The following SLC35F4 variants were observed in gnomAD, a reference collection of about 807,000 sequenced individuals.
SLC35F4 encodes chromosome 14 open reading frame 36.
A neutral mutation model predicts 44.2 loss-of-function variants in SLC35F4; 24 were observed. That is an observed-to-expected ratio of 0.54 (90% CI 0.39 to 0.76). The LOEUF (loss-of-function observed/expected upper bound fraction) is 0.76. Ranked by LOEUF, SLC35F4 falls within the 30% of genes least tolerant of loss-of-function variation. The probability of loss-of-function intolerance (pLI) is 0.00; values close to 1 mark genes in which losing one functional copy is unlikely to be tolerated. For missense variants in SLC35F4, 562 were observed against 586.1 expected, an observed-to-expected ratio of 0.96 and a Z score of 0.42; for synonymous variants, 238 against 223.6, an observed-to-expected ratio of 1.06 and a Z score of -0.57.
chr14:57,769,692 C>G (rs2077315667), intron 1 of SLC35F4, among the ~76,000 whole-genome samples: 1 of 152,164 alleles, frequency 6.6e-6, no homozygotes, highest in South Asian at 2.1e-4. Context: ...CACATCATCC[C>G]CTGCTACAGG....
chr14:57,770,747 G>C (rs2077344153), intron 1 of SLC35F4, among the ~76,000 whole-genome samples: 1 of 152,136 alleles, frequency 6.6e-6, no homozygotes, highest in South Asian at 2.1e-4. Flanking sequence ...GCCAGGAAAA[G>C]AATACAAGTC....
At chr14:57,649,690 T>C (rs956064724) in intron 1 of SLC35F4, among the ~76,000 whole-genome samples, 10 of 152,134 alleles carry the variant, frequency 6.6e-5, no homozygotes, top group Non-Finnish European at 1.0e-4. Context: ...TATCTATTTT[T>C]CTCCACTGTA....
chr14:57,975,153 G>A (rs1881178120), downstream of SLC35F4, among the ~76,000 whole-genome samples: 1 of 152,166 alleles, frequency 6.6e-6, no homozygotes, highest in Non-Finnish European at 1.5e-5. Context: ...GATCATTGAG[G>A]TGACTATTTG....
intron 1 of SLC35F4, among the ~76,000 whole-genome samples, chr14:57,679,251 G>A (rs570900576): frequency 2.0e-5 from 3 of 152,172 alleles, no homozygotes; most frequent in South Asian, 2.1e-4. Flanking sequence ...CACGGAAACC[G>A]AACAACCTGC....
chr14:57,926,199 G>T (rs1038271255), intron 1 of SLC35F4, among the ~76,000 whole-genome samples: 10 of 152,150 alleles, frequency 6.6e-5, no homozygotes, highest in African/African-American at 2.4e-4. Flanking sequence ...AAACCGTAAA[G>T]CCCTGGAGGC....
chr14:57,729,560 A>G lies in SLC35F4; in HGVS notation c.104-135436T>C, dbSNP rs149139926. The stretch of plus-strand genomic sequence containing the variant: ...AGCTAGGGCTTGGGATGGGGGCCTC[A>G]TGACTCTGCTCAGTGCCTTATTCTG... On this transcript the variant is annotated intron_variant, in intron 1 of 7. Transcript: ENST00000556826. 2.2e-3 allele frequency among the ~76,000 whole-genome samples: 329 copies of G among 152,224 alleles called. 1 individual carries two copies. The highest frequency in any genetic ancestry group is 7.0e-3 in the African/African-American group (292 of 41,532).
intron 1 of SLC35F4, among the ~76,000 whole-genome samples, chr14:57,720,976 C>T (rs1424260415): frequency 2.4e-5 from 1 of 41,362 alleles, no homozygotes; most frequent in African/African-American, 7.1e-5. Context: ...TTAATAAACT[C>T]CTCATATATA....
At chr14:57,671,755 C>T (rs938607198) in intron 1 of SLC35F4, among the ~76,000 whole-genome samples, 1 of 151,872 alleles carries the variant, frequency 6.6e-6, no homozygotes, top group Non-Finnish European at 1.5e-5. Flanking sequence ...CTCCTGCATC[C>T]CAGTGCCCCC....
intron 1 of SLC35F4, among the ~76,000 whole-genome samples, chr14:57,681,408 C>T (rs201044596): frequency 6.6e-6 from 1 of 152,106 alleles, no homozygotes; most frequent in Admixed American, 6.6e-5. Context: ...AGTCCTAAAC[C>T]CATAAAAACC....
chr14:57,619,228 C>A (rs1180078288), intron 1 of SLC35F4, among the ~76,000 whole-genome samples: 1 of 152,128 alleles, frequency 6.6e-6, no homozygotes, highest in Non-Finnish European at 1.5e-5. Flanking sequence ...AGTCCCTGAC[C>A]CCATTTATCC....
rs564157743 is a variant in SLC35F4, at chr14:57,954,964, A to C, written n.282+26949T>G. Among the ~76,000 whole-genome samples the C allele has an allele frequency of 4.6e-3, 686 of 150,436 alleles. 2 individuals carry two copies. The highest frequency in any genetic ancestry group is 0.017 in the Middle Eastern group (5 of 294). ...CATCCTGATTAAAAAAAAAAAAAAA[A>C]AAAAACCTGGCAAAGACACAGCAAA... is the stretch of plus-strand genomic sequence containing the variant. On this transcript the variant is annotated intron_variant and non_coding_transcript_variant, in intron 1 of 1. Transcript: ENST00000556568.
intron 1 of SLC35F4, among the ~76,000 whole-genome samples, chr14:57,695,274 GACAAACGGCT>G (rs1275553656): frequency 1.3e-5 from 2 of 151,914 alleles, no homozygotes; most frequent in African/African-American, 4.8e-5. Flanking sequence ...CTACTCATCT[GACAAACGGCT>G]AATATCCAGA....
intron 1 of SLC35F4, among the ~76,000 whole-genome samples, chr14:57,829,957 C>A (rs1884174530): frequency 6.6e-6 from 1 of 152,070 alleles, no homozygotes; most frequent in Non-Finnish European, 1.5e-5. Flanking sequence ...GAAGAATAAT[C>A]TTGCAGTTAA....
chr14:57,671,473 C>T (rs779790571), intron 1 of SLC35F4, among the ~76,000 whole-genome samples: 5 of 152,030 alleles, frequency 3.3e-5, no homozygotes, highest in African/African-American at 4.8e-5. Flanking sequence ...TTTTTAGACA[C>T]ACCATGGGCC....
intron 1 of SLC35F4, among the ~76,000 whole-genome samples, chr14:57,934,132 T>A (rs1889752453): frequency 6.6e-6 from 1 of 152,040 alleles, no homozygotes; most frequent in South Asian, 2.1e-4. Context: ...TTTTTAAAAT[T>A]ACTTCTTTTA....
chr14:57,853,877 G>A (rs1007120748), intron 1 of SLC35F4, among the ~76,000 whole-genome samples: 2 of 152,076 alleles, frequency 1.3e-5, no homozygotes, highest in African/African-American at 2.4e-5. Flanking sequence ...GAGACTCCCC[G>A]GTGTCTTTTC....
chr14:57,677,041 G>T (rs992601747), intron 1 of SLC35F4, among the ~76,000 whole-genome samples: 6 of 152,064 alleles, frequency 3.9e-5, no homozygotes, highest in Non-Finnish European at 8.8e-5. Flanking sequence ...AGTGGATAAA[G>T]AAAATGTGGT....
intron 1 of SLC35F4, among the ~76,000 whole-genome samples, chr14:57,605,714 A>G (rs2071119630): frequency 6.6e-6 from 1 of 152,134 alleles, no homozygotes; most frequent in Non-Finnish European, 1.5e-5. Context: ...CCAGGTGCCC[A>G]TCAGTAGTGG....
chr14:57,865,659 G>A, intron 1 of SLC35F4, 64 bp downstream of exon 1: 2 of 1,378,202 alleles, frequency 1.5e-6, no homozygotes, highest in Non-Finnish European at 1.9e-6. Flanking sequence ...CCGCATCCCC[G>A]CGGCACCCCT....
Sources: allele counts gnomAD v4.1 joint callset (sites outside exome capture counted in the v4.1 genomes callset), GRCh38; gene constraint gnomAD v4.1.1; transcripts MANE v1.5; gene names NCBI Gene and HGNC (gene_info 2026-07-23, HGNC 2026-07-21).